GRSF1: variants seen among roughly 807,000 people sequenced by gnomAD.
The protein encoded by GRSF1 is G-rich sequence factor 1.
GRSF1 carries 50 observed loss-of-function variants against 51.1 expected under a neutral mutation model. That is an observed-to-expected ratio of 0.98 (90% CI 0.78 to 1.24). The LOEUF is 1.24. Among genes scored for constraint, GRSF1 ranks in the 50% most tolerant of loss-of-function variants. The pLI, the probability that GRSF1 is intolerant of heterozygous loss-of-function variation, is 0.00. For missense variants in GRSF1, 700 were observed against 639.7 expected, an observed-to-expected ratio of 1.09 and a Z score of -1.02; for synonymous variants, 293 against 253.3, an observed-to-expected ratio of 1.16 and a Z score of -1.49.
At chr4:70,840,216 C>G (rs1272975832), upstream of GRSF1, among the ~76,000 whole-genome samples, 1 of 148,834 alleles carries the variant, frequency 6.7e-6, no homozygotes, top group African/African-American at 2.5e-5. Flanking sequence ...GCGGGGCTGC[C>G]CATGGTTTGG....
At chr4:70,833,894 A>C (rs1734087388) in intron 2 of GRSF1, among the ~76,000 whole-genome samples, 1 of 152,186 alleles carries the variant, frequency 6.6e-6, no homozygotes. Flanking sequence ...GGCTTTAAAA[A>C]AAAGTTTGAC....
Position 70,819,202 on chromosome 4 carries a change from A to G in GRSF1, c.*1685T>C, listed in dbSNP as rs1356075425. ...AAACTCATTAGCTTAAATCAATTGC[A>G]GATGAATTCCTCACAGTAGGCCCCA... On this transcript the variant is annotated 3_prime_UTR_variant, in exon 10 of 10. Coordinates refer to ENST00000254799, the MANE Select transcript of GRSF1 (RefSeq NM_002092.4). 1.3e-5 allele frequency: 2 copies of G among 152,208 alleles called. No homozygotes were observed. Among genetic ancestry groups the G allele is most frequent in the African/African-American group, 4.8e-5 (2 of 41,458 alleles). 9.4% of individuals were successfully genotyped at this position (152,208 alleles called of 1,614,324 possible).
At chr4:70,824,069 C>A (rs1442294004) in intron 9 of GRSF1, among the ~76,000 whole-genome samples, 2 of 143,548 alleles carry the variant, frequency 1.4e-5, no homozygotes, top group Non-Finnish European at 3.0e-5. Context: ...CTCCCGGGTT[C>A]AAGTGATTCT....
chr4:70,835,195 G>A (rs1734147899), intron 2 of GRSF1, among the ~76,000 whole-genome samples: 1 of 151,426 alleles, frequency 6.6e-6, no homozygotes. Flanking sequence ...TGTAATCCCA[G>A]CACTGTGGGA....
At chr4:70,841,870 T>C (rs1412099904), upstream of GRSF1, among the ~76,000 whole-genome samples, 3 of 152,182 alleles carry the variant, frequency 2.0e-5, no homozygotes, top group Admixed American at 6.5e-5. Context: ...ATTGTCATTT[T>C]TATACAAAAA....
intron 6 of GRSF1, among the ~76,000 whole-genome samples, 196 bp from the exon 7 acceptor site, chr4:70,826,441 C>T (rs1733740450): frequency 6.6e-6 from 1 of 151,944 alleles, no homozygotes; most frequent in African/African-American, 2.4e-5. Context: ...CAGACCATTA[C>T]CAGTTTAAGA....
intron 5 of GRSF1, among the ~76,000 whole-genome samples, chr4:70,829,452 G>T (rs1205616647): frequency 6.6e-6 from 1 of 151,742 alleles, no homozygotes; most frequent in Non-Finnish European, 1.5e-5. Context: ...GCTCAGGAGT[G>T]TGAGACCAGC....
Position 70,836,179 on chromosome 4 carries a change from C to A in GRSF1, c.493G>T (p.Asp165Tyr). ...QGLPWSCTMEDVLNFFSDCRI... is the reference protein window; with the variant it reads ...QGLPWSCTMEYVLNFFSDCRI... ...ATACCTGAAAAAAAGTTAAGCACAT[C>A]TTCCATAGTGCATGACCAGGGCAGT... The change falls in exon 2 of 10, where the codon GAT becomes TAT. Residue 165 changes from aspartate to tyrosine, a missense_variant. By Grantham distance (160) the Asp-to-Tyr change is radical. Coordinates refer to ENST00000254799, the MANE Select transcript of GRSF1 (RefSeq NM_002092.4). The A allele has an allele frequency of 1.3e-6, 2 of 1,558,228 alleles. No homozygotes were observed. The highest frequency in any genetic ancestry group is 2.3e-5 in the East Asian group (1 of 42,892).
Position 70,825,298 on chromosome 4 carries a change from A to G in GRSF1, c.1391T>C (p.Val464Ala), listed in dbSNP as rs755046329. The change falls in exon 8 of 10, where the codon GTT becomes GCT. Residue 464 changes from valine to alanine, a missense_variant and splice_region_variant. Transcript: ENST00000254799. ...VAAMLKDRSH[V>A]HHRYIELFLN... ...CAAAAGCCAAAGGCAGGACTTACGA[A>G]CGTGGGACCGATCCTTGAGCATCGC... 1.8e-4 allele frequency: 286 copies of G among 1,602,680 alleles called. 5 individuals carry two copies. In the South Asian group the frequency reaches 3.0e-3, roughly 17 times the overall value.
chr4:70,821,315 CTG>C (rs1733487995), intron 9 of GRSF1, among the ~76,000 whole-genome samples: 4 of 152,114 alleles, frequency 2.6e-5, no homozygotes, highest in Admixed American at 2.6e-4. Context: ...ATCCCAGCTA[CTG>C]GGGAGGCTGA....
At position 70,824,051 on chromosome 4, in the gene GRSF1, AC is replaced by A. The variant is rs1029415341; in HGVS notation, c.*25+242del. Among the ~76,000 whole-genome samples the A allele has an allele frequency of 1.7e-3, 229 of 134,334 alleles. 1 individual carries two copies. The highest frequency in any genetic ancestry group is 5.9e-3 in the African/African-American group (216 of 36,854). The allele number at this position is 134,334 out of a possible 152,430, so 88.1% of individuals were successfully genotyped here. A position where few individuals can be genotyped will look rare whatever the true frequency, so the allele number is the denominator to read the frequency against. On this transcript the variant is annotated intron_variant, in intron 9 of 9. Coordinates refer to ENST00000254799, the MANE Select transcript of GRSF1 (RefSeq NM_002092.4). ...AGTGGCACAATCTCAGCTCACTGCA[AC>A]CGCTGCCTCCCGGGTTCAAGTGATT...
At position 70,818,282 on chromosome 4, in the gene GRSF1, A is replaced by G. The variant is rs1363170846; in HGVS notation, c.*2605T>C. The G allele has an allele frequency of 6.6e-6, 1 of 152,214 alleles. No individual in the cohort carries two copies. Among genetic ancestry groups the G allele is most frequent in the East Asian group, 1.9e-4 (1 of 5,184 alleles). 9.4% of individuals were successfully genotyped at this position (152,214 alleles called of 1,614,324 possible). A position where few individuals can be genotyped will look rare whatever the true frequency, so the allele number is the denominator to read the frequency against. On this transcript the variant is annotated 3_prime_UTR_variant, in exon 10 of 10. Transcript: ENST00000254799. ...AACTCCTGACCTCAAGTGACCCACC[A>G]TGGAGGGTTTTAAATTCTGAAACAA...
intron 3 of GRSF1, 69 bp from the exon 4 acceptor site, chr4:70,832,519 C>T: frequency 1.2e-6 from 1 of 867,316 alleles, no homozygotes; most frequent in South Asian, 1.7e-5. Context: ...TAAAAAAAAT[C>T]ATTACAACTT....
chr4:70,837,876 G>A (rs1460614505), intron 1 of GRSF1, among the ~76,000 whole-genome samples: 1 of 151,438 alleles, frequency 6.6e-6, no homozygotes, highest in Non-Finnish European at 1.5e-5. Context: ...CTGACCTCAG[G>A]TGATCCACCC....
rs957367243 is a variant in GRSF1 at position 70,838,146 on chromosome 4, A to G, written c.357+1325T>C. On this transcript the variant is annotated intron_variant, in intron 1 of 9. Coordinates refer to ENST00000254799, the MANE Select transcript of GRSF1 (RefSeq NM_002092.4). ...AAGCAGGAGAATGGCGTGAACCCGG[A>G]AGGCGGAGCTTGCAGTGAGCCGAGA... is the stretch of plus-strand genomic sequence containing the variant. 3.5e-5 allele frequency among the ~76,000 whole-genome samples: 5 copies of G among 144,642 alleles called. No individual in the cohort carries two copies. In the East Asian group the frequency reaches 1.0e-3, roughly 30 times the overall value. 94.9% of individuals were successfully genotyped at this position (144,642 alleles called of 152,430 possible).
intron 2 of GRSF1, 133 bp downstream of exon 2, chr4:70,836,025 C>T (rs1385248838): frequency 9.8e-6 from 5 of 511,710 alleles, no homozygotes; most frequent in African/African-American, 2.0e-5. Flanking sequence ...AGGAAGGTGA[C>T]AGCGTAGTCT....
At position 70,826,258 on chromosome 4, in the gene GRSF1, A is replaced by G. The variant is rs12508115; in HGVS notation, c.1136-13T>C. ...TCCTTAGGCAATTCTGAGAGGTGGA[A>G]CAGAAAGCACTGTTAAAACATAACA... On this transcript the variant is annotated splice_polypyrimidine_tract_variant and intron_variant, in intron 6 of 9. Transcript: ENST00000254799. 0.049 allele frequency: 77,960 copies of G among 1,590,048 alleles called. 3,387 individuals are homozygous for G. Among genetic ancestry groups the G allele is most frequent in the Admixed American group, 0.23 (11,846 of 52,226 alleles).
upstream of GRSF1, among the ~76,000 whole-genome samples, chr4:70,842,731 T>C (rs1734482354): frequency 6.6e-6 from 1 of 152,218 alleles, no homozygotes; most frequent in Non-Finnish European, 1.5e-5. Flanking sequence ...GCCCTCATTT[T>C]CTTAATAGCA....
In GRSF1 at chr4:70,836,323, GGAAAT is replaced by G. The variant is rs1734208109; in HGVS notation, c.358-14_358-10del. ...TAAGTAGTTTTGGACTCCTTCCAAAGGAAATGAAGAATTGTAAAAAGAGTTGCATT... is the reference window on the plus strand; with the variant it reads ...TAAGTAGTTTTGGACTCCTTCCAAAGGAAGAATTGTAAAAAGAGTTGCATT... On this transcript the variant is annotated splice_polypyrimidine_tract_variant and intron_variant, in intron 1 of 9. Transcript: ENST00000254799. The G allele has an allele frequency of 6.5e-7, 1 of 1,541,052 alleles. No homozygotes were observed. The highest frequency in any genetic ancestry group is 8.7e-7 in the Non-Finnish European group (1 of 1,146,976).
Sources: allele counts gnomAD v4.1 joint callset (sites outside exome capture counted in the v4.1 genomes callset), GRCh38; gene constraint gnomAD v4.1.1; transcripts MANE v1.5; gene names NCBI Gene and HGNC (gene_info 2026-07-23, HGNC 2026-07-21).